Variants in ETFA observed in about 807,000 individuals in gnomAD.
ETFA encodes the protein electron transfer flavoprotein subunit alpha, also known as electron transfer flavoprotein subunit alpha, mitochondrial.
A neutral mutation model predicts 46.2 loss-of-function variants in ETFA; 22 were observed. That is an observed-to-expected ratio of 0.48 (90% CI 0.34 to 0.68). The LOEUF is 0.68. ETFA is among the 30% of genes least tolerant of loss of function. The pLI, the probability that ETFA is intolerant of heterozygous loss-of-function variation, is 0.01. For synonymous variants in ETFA, 131 were observed against 139.9 expected, an observed-to-expected ratio of 0.94 and a Z score of 0.45; for missense variants, 345 against 401.1, an observed-to-expected ratio of 0.86 and a Z score of 1.19.
At chr15:76,294,342 T>C (rs2039797416) in intron 2 of ETFA, among the ~76,000 whole-genome samples, 1 of 152,178 alleles carries the variant, frequency 6.6e-6, no homozygotes, top group South Asian at 2.1e-4. Flanking sequence ...GACATACAAA[T>C]AGATAGCTTA....
chr15:76,248,178 G>A (rs2039261594), intron 9 of ETFA, among the ~76,000 whole-genome samples: 1 of 152,088 alleles, frequency 6.6e-6, no homozygotes, highest in South Asian at 2.1e-4. Flanking sequence ...GTGTAGTAGG[G>A]GTACAGTAAT....
intron 8 of ETFA, among the ~76,000 whole-genome samples, chr15:76,281,148 C>G (rs1045305004): frequency 1.3e-5 from 2 of 152,078 alleles, no homozygotes; most frequent in East Asian, 1.9e-4. Flanking sequence ...TTCCTGGCCT[C>G]AAGAAATCCG....
intron 9 of ETFA, among the ~76,000 whole-genome samples, chr15:76,266,128 G>T (rs1313636753): frequency 6.6e-6 from 1 of 152,242 alleles, no homozygotes; most frequent in Non-Finnish European, 1.5e-5. Flanking sequence ...TTTGAGGGCT[G>T]TTAATGCTGT....
intron 5 of ETFA, 106 bp downstream of exon 5, chr15:76,287,740 A>G (rs932878277): frequency 1.1e-6 from 1 of 870,894 alleles, no homozygotes; most frequent in Non-Finnish European, 1.9e-6. Context: ...AAGATGGTCC[A>G]CTTAAAGCAA....
intron 9 of ETFA, among the ~76,000 whole-genome samples, chr15:76,264,293 C>G (rs553025644): frequency 1.3e-5 from 2 of 152,192 alleles, no homozygotes; most frequent in African/African-American, 4.8e-5. Context: ...ACATGGTGGG[C>G]TGAGGAAGCT....
At chr15:76,218,821 G>C (rs1037557494) in intron 11 of ETFA, among the ~76,000 whole-genome samples, 14 of 152,116 alleles carry the variant, frequency 9.2e-5, no homozygotes, top group Non-Finnish European at 1.8e-4. Context: ...CATTCACTTA[G>C]TACTTCCTCC....
At chr15:76,241,637 A>G (rs1012666379) in intron 9 of ETFA, among the ~76,000 whole-genome samples, 5 of 131,680 alleles carry the variant, frequency 3.8e-5, no homozygotes, top group Admixed American at 1.6e-4. Context: ...TGTCTCTACT[A>G]AAAAATACAA....
At chr15:76,290,330 A>ATTT (rs1231949598) in intron 4 of ETFA, among the ~76,000 whole-genome samples, 5 of 66,720 alleles carry the variant, frequency 7.5e-5, no homozygotes, top group Non-Finnish European at 1.7e-4. Flanking sequence ...CAAAGTCGCT[A>ATTT]CTCTTTTTTT....
chr15:76,292,892 C>T (rs1335034308), intron 2 of ETFA, among the ~76,000 whole-genome samples, 192 bp from the exon 3 acceptor site: 2 of 152,202 alleles, frequency 1.3e-5, no homozygotes, highest in Admixed American at 1.3e-4. Flanking sequence ...AATCCCAGCA[C>T]TCTGAGAGGC....
chr15:76,219,993 G>T (rs1410943460), intron 11 of ETFA, among the ~76,000 whole-genome samples: 1 of 152,158 alleles, frequency 6.6e-6, no homozygotes, highest in African/African-American at 2.4e-5. Context: ...ATACCCAAAA[G>T]AACTGAAAGC....
chr15:76,261,665 C>T (rs1014562859), intron 9 of ETFA: 6 of 371,050 alleles, frequency 1.6e-5, no homozygotes, highest in South Asian at 8.3e-5. Flanking sequence ...GAGCCCCAGC[C>T]GCCCCATGCT....
At chr15:76,262,704 G>A (rs1054795511) in intron 9 of ETFA, among the ~76,000 whole-genome samples, 19 of 151,846 alleles carry the variant, frequency 1.3e-4, no homozygotes, top group Admixed American at 3.9e-4. Context: ...GGATGGTCTC[G>A]ATCTCCTGAC....
At chr15:76,234,525 T>C (rs2039102496) in intron 9 of ETFA, among the ~76,000 whole-genome samples, 1 of 152,158 alleles carries the variant, frequency 6.6e-6, no homozygotes, top group Non-Finnish European at 1.5e-5. Flanking sequence ...GTGAGAGATG[T>C]TGCCAGGGAG....
intron 10 of ETFA, among the ~76,000 whole-genome samples, chr15:76,227,515 CA>C (rs55873344): frequency 3.7e-5 from 3 of 80,320 alleles, no homozygotes; most frequent in Middle Eastern, 7.6e-3. Flanking sequence ...GACTCTGTCT[CA>C]AAAAAAAAAA....
intron 11 of ETFA, among the ~76,000 whole-genome samples, chr15:76,224,476 C>T (rs1313214260): frequency 6.6e-6 from 1 of 152,232 alleles, no homozygotes; most frequent in African/African-American, 2.4e-5. Context: ...TGAGCCATCA[C>T]GGAGTAATCG....
rs868095176 is a variant in ETFA, at chr15:76,295,936, C to T, written c.40-199G>A. 6.8e-3 allele frequency among the ~76,000 whole-genome samples: 316 copies of T among 46,574 alleles called. 3 individuals carry two copies. Among genetic ancestry groups the T allele is most frequent in the Admixed American group, 9.3e-3 (23 of 2,468 alleles). 30.6% of individuals were successfully genotyped at this position (46,574 alleles called of 152,430 possible). ...TGTCTATCACTGTACCACTAATATTCTTTTTTTTTTTTTTTTTTTTTTTGA... is the reference window on the plus strand; with the variant it reads ...TGTCTATCACTGTACCACTAATATTTTTTTTTTTTTTTTTTTTTTTTTTGA... On this transcript the variant is annotated intron_variant, in intron 1 of 11. Transcript: ENST00000557943.
chr15:76,281,966 C>T (rs573154648), intron 8 of ETFA, among the ~76,000 whole-genome samples: 11 of 139,536 alleles, frequency 7.9e-5, no homozygotes, highest in African/African-American at 2.7e-4. Flanking sequence ...TACAGTGGCA[C>T]AGTCTCAGCT....
At chr15:76,272,080 A>G (rs554798880) in intron 9 of ETFA, among the ~76,000 whole-genome samples, 187 of 152,250 alleles carry the variant, frequency 1.2e-3, no homozygotes, top group Non-Finnish European at 2.2e-3. Flanking sequence ...TGCTGATGGT[A>G]TGCCATTTAT....
At chr15:76,261,514 T>G (rs2039413078) in intron 9 of ETFA, 1 of 701,030 alleles carries the variant, frequency 1.4e-6, no homozygotes, top group Admixed American at 2.7e-5. Context: ...GCAGCTGAGC[T>G]TTACCAGCTG....
Sources: gnomAD v4.1 joint callset for allele counts (sites outside exome capture counted in the v4.1 genomes callset) on GRCh38, gnomAD v4.1.1 for gene constraint, MANE v1.5 for transcripts, NCBI Gene and HGNC (gene_info 2026-07-23, HGNC 2026-07-21) for gene names.